Variants in YAF2 observed in about 807,000 individuals in gnomAD.
YAF2 encodes YY1 associated factor 2.
YAF2 carries 7 observed loss-of-function variants against 20.1 expected under a neutral mutation model. The ratio of observed to expected loss-of-function variants is 0.35; its 90% CI spans 0.20 to 0.65. The LOEUF (loss-of-function observed/expected upper bound fraction) is 0.65. YAF2 is among the 30% of genes least tolerant of loss of function. The pLI is 0.69. For missense variants in YAF2, 151 were observed against 219.2 expected (o/e 0.69, Z 1.96); for synonymous variants, 74 against 76.0 (o/e 0.97, Z 0.14).
intron 2 of YAF2, among the ~76,000 whole-genome samples, chr12:42,178,280 TG>T (rs2066249135): frequency 6.6e-6 from 1 of 152,156 alleles, no homozygotes; most frequent in African/African-American, 2.4e-5. Flanking sequence ...TTACTATACT[TG>T]GGCCCCCACC....
intron 3 of YAF2, 165 bp from the exon 4 acceptor site, chr12:42,160,991 A>G: frequency 1.7e-6 from 1 of 603,906 alleles, no homozygotes. Context: ...CAACTCATTA[A>G]CATTAATCAA....
rs540984233 is a variant in YAF2 at position 42,180,298 on chromosome 12, C to T, written c.153-18533G>A. 3.9e-5 allele frequency among the ~76,000 whole-genome samples: 6 copies of T among 152,344 alleles called. No individual in the cohort carries two copies. In the South Asian group the frequency reaches 1.0e-3, roughly 26 times the overall value. On this transcript the variant is annotated intron_variant, in intron 2 of 3. Coordinates refer to ENST00000534854, the MANE Select transcript of YAF2 (RefSeq NM_005748.6). ...TCACTCTCTCCCCTTGTTGTGATCT[C>T]CCCTAACAGAGTGGCCCATGTGGCA...
chr12:42,186,447 G>T (rs995548006), intron 2 of YAF2, among the ~76,000 whole-genome samples: 33 of 151,660 alleles, frequency 2.2e-4, no homozygotes, highest in African/African-American at 7.7e-4. Context: ...GGGGGCAGAG[G>T]GGTGGATCAC....
chr12:42,166,320 G>T (rs2136970801), intron 2 of YAF2, among the ~76,000 whole-genome samples: 1 of 152,270 alleles, frequency 6.6e-6, no homozygotes, highest in East Asian at 1.9e-4. Flanking sequence ...ATAATTTCTT[G>T]AAGAGACAGA....
chr12:42,220,795 A>C (rs981039127), intron 2 of YAF2, among the ~76,000 whole-genome samples: 8 of 152,204 alleles, frequency 5.3e-5, no homozygotes, highest in Non-Finnish European at 1.2e-4. Context: ...AAAAATTGTC[A>C]GGGGGCTATA....
intron 2 of YAF2, chr12:42,232,561 C>G (rs2068014594): frequency 1.0e-6 from 1 of 985,280 alleles, no homozygotes; most frequent in Non-Finnish European, 1.2e-6. Flanking sequence ...TAAATGGTTG[C>G]TAGAAAGGCT....
intron 2 of YAF2, among the ~76,000 whole-genome samples, chr12:42,188,048 C>T (rs892186573): frequency 6.6e-6 from 1 of 152,112 alleles, no homozygotes; most frequent in Admixed American, 6.6e-5. Context: ...CAGGAGAAAC[C>T]CAGAGCCAGA....
intron 2 of YAF2, among the ~76,000 whole-genome samples, chr12:42,218,528 T>TA (rs1354791778): frequency 1.3e-5 from 2 of 152,164 alleles, no homozygotes; most frequent in Non-Finnish European, 2.9e-5. Context: ...ATGTGTCTTT[T>TA]AAAAAATGTA....
At chr12:42,174,935 C>T (rs1040277350) in intron 2 of YAF2, among the ~76,000 whole-genome samples, 5 of 152,262 alleles carry the variant, frequency 3.3e-5, no homozygotes, top group Admixed American at 1.3e-4. Flanking sequence ...TTCTATGCAT[C>T]AAAGTTTTCC....
chr12:42,214,313 C>G (rs2067292041), intron 2 of YAF2, among the ~76,000 whole-genome samples: 1 of 152,178 alleles, frequency 6.6e-6, no homozygotes, highest in South Asian at 2.1e-4. Flanking sequence ...TGGCTTTTGT[C>G]CAGGCTGGAG....
At chr12:42,204,586 G>A (rs2066988378) in intron 2 of YAF2, among the ~76,000 whole-genome samples, 1 of 152,144 alleles carries the variant, frequency 6.6e-6, no homozygotes. Context: ...GCATCTGAGG[G>A]AAGTCCTGCA....
In YAF2 at chr12:42,237,710, G is replaced by T. The variant is rs1360723618; in HGVS notation, c.41C>A (p.Pro14Gln). 1 of 1,565,340 alleles carries T rather than the reference G, an allele frequency of 6.4e-7. No individual in the cohort carries two copies. Among genetic ancestry groups the T allele is most frequent in the Non-Finnish European group, 8.6e-7 (1 of 1,158,798 alleles). Residue 14 changes from proline to glutamine, a missense_variant, in exon 2 of 4, where the codon CCG becomes CAG. By Grantham distance (76) the Pro-to-Gln change is moderately conservative. Around this residue, in one of 3 missense-constraint regions of YAF2, gnomAD observed 50 missense variants for 58.3 expected, o/e 0.86. Coordinates refer to ENST00000534854, the MANE Select transcript of YAF2 (RefSeq NM_005748.6). Reference protein sequence around the residue: ...KKSPTRPKRQPKPSSDEGYWD... With the variant: ...KKSPTRPKRQQKPSSDEGYWD... ...GTAACCCTCATCCGAGGACGGCTTCGGCTGCCGCTTCGGCCTGCAGGACAC... is the reference window on the plus strand; with the variant it reads ...GTAACCCTCATCCGAGGACGGCTTCTGCTGCCGCTTCGGCCTGCAGGACAC...
intron 1 of YAF2, 76 bp from the exon 2 acceptor site, chr12:42,237,800 GC>G: frequency 1.9e-6 from 2 of 1,075,170 alleles, no homozygotes; most frequent in Non-Finnish European, 2.2e-6. Flanking sequence ...CCCCGCGGCC[GC>G]CCCCGCCCCG....
chr12:42,234,768 A>T, intron 2 of YAF2: 1 of 948,546 alleles, frequency 1.1e-6, no homozygotes, highest in South Asian at 4.9e-5. Context: ...TAGGAGGATC[A>T]CTTGAGCTCA....
intron 2 of YAF2, among the ~76,000 whole-genome samples, chr12:42,222,121 T>C (rs937907682): frequency 6.6e-6 from 1 of 152,074 alleles, no homozygotes; most frequent in Admixed American, 6.6e-5. Context: ...TTAACAACCA[T>C]GAAAGCCAAT....
intron 2 of YAF2, among the ~76,000 whole-genome samples, chr12:42,172,679 T>C (rs2066079449): frequency 6.6e-6 from 1 of 152,182 alleles, no homozygotes; most frequent in South Asian, 2.1e-4. Context: ...CACACAAAAA[T>C]GTGTACATGA....
chr12:42,222,937 C>CTT lies in YAF2; in HGVS notation c.152+14660_152+14661dup, dbSNP rs75277041. Among the ~76,000 whole-genome samples the CTT allele has an allele frequency of 5.8e-3, 819 of 140,938 alleles. 3 individuals carry two copies. Among genetic ancestry groups the CTT allele is most frequent in the African/African-American group, 0.013 (483 of 38,534 alleles). The allele number at this position is 140,938 out of a possible 152,430, so 92.5% of individuals were successfully genotyped here. On this transcript the variant is annotated intron_variant, in intron 2 of 3. Coordinates refer to ENST00000534854, the MANE Select transcript of YAF2 (RefSeq NM_005748.6). ...GCTTATAATTTATTGCTGCCAAATTCTTTTTTTTTTTTTTGTTACCATTGG... is the reference window on the plus strand; with the variant it reads ...GCTTATAATTTATTGCTGCCAAATTCTTTTTTTTTTTTTTTTGTTACCATTGG...
chr12:42,207,948 T>C (rs1273304626), intron 2 of YAF2, among the ~76,000 whole-genome samples: 2 of 152,052 alleles, frequency 1.3e-5, no homozygotes, highest in African/African-American at 4.8e-5. Context: ...AAAGCTAATA[T>C]TTCAGTGGGG....
At chr12:42,200,684 G>C (rs78062157) in intron 2 of YAF2, among the ~76,000 whole-genome samples, 1,601 of 152,254 alleles carry the variant, frequency 0.011, 29 homozygotes, top group African/African-American at 0.037. Context: ...ATGACATCCA[G>C]AGGCAACCAC....
Sources: gnomAD v4.1 joint callset for allele counts (sites outside exome capture counted in the v4.1 genomes callset) on GRCh38, gnomAD v4.1.1 for gene constraint, gnomAD v4.1.1 regional missense constraint, MANE v1.5 for transcripts, NCBI Gene and HGNC (gene_info 2026-07-23, HGNC 2026-07-21) for gene names.